DLGAP3: variants seen among roughly 807,000 people sequenced by gnomAD.
DLGAP3 encodes the protein DLG associated protein 3, also known as disks large-associated protein 3.
DLGAP3 carries 17 observed loss-of-function variants against 81.2 expected under a neutral mutation model. That is an observed-to-expected ratio of 0.21 (90% CI 0.14 to 0.31). The LOEUF is 0.31. Among genes scored for constraint, DLGAP3 ranks in the 10% least tolerant of loss-of-function variants. The pLI is 1.00. For synonymous variants in DLGAP3, 577 were observed against 587.4 expected (o/e 0.98, Z 0.26); for missense variants, 1,124 against 1,388.0 (o/e 0.81, Z 3.02).
Position 34,867,750 on chromosome 1 carries a change from C to T in DLGAP3, c.2486-123G>A. ...GGCACTGTGTATCCATCAGTCTCCTCCAGCCCCAGCCCCATCCCATCCTCA... is the reference window on the plus strand; with the variant it reads ...GGCACTGTGTATCCATCAGTCTCCTTCAGCCCCAGCCCCATCCCATCCTCA... On this transcript the variant is annotated intron_variant, in intron 9 of 11. Coordinates refer to ENST00000373347, the MANE Select transcript of DLGAP3 (RefSeq NM_001080418.3). This position sits in a 1 kb window ranked among gnomAD's most constrained non-coding sequence, Gnocchi z 4.3. 2.6e-6 allele frequency: 2 copies of T among 763,736 alleles called. No homozygotes were observed. The highest frequency in any genetic ancestry group is 2.8e-5 in the South Asian group (2 of 70,962). 47.3% of individuals were successfully genotyped at this position (763,736 alleles called of 1,614,324 possible).
At chr1:34,887,966 T>C (rs1557472741) in intron 5 of DLGAP3, among the ~76,000 whole-genome samples, 1 of 152,222 alleles carries the variant, frequency 6.6e-6, no homozygotes, top group Non-Finnish European at 1.5e-5. Flanking sequence ...ACAGGCCAGA[T>C]GCCCATGAGA....
In DLGAP3 at chr1:34,929,369, GGCC is replaced by G. The variant is rs1235151471; in HGVS notation, c.-135+79_-135+81del. ...GAGCCCGGGGCGTGGGCGGCGCCGG[GGCC>G]GCAGCCGGGCCGTGCCTGGGGGGCG... is the stretch of plus-strand genomic sequence containing the variant. On this transcript the variant is annotated intron_variant, in intron 1 of 11. Transcript: ENST00000373347. This position sits in a 1 kb window ranked among gnomAD's most constrained non-coding sequence, Gnocchi z 6.5. 1.3e-4 allele frequency: 20 copies of G among 148,632 alleles called. No homozygotes were observed. In the East Asian group the frequency reaches 3.3e-3, roughly 25 times the overall value. 9.2% of individuals were successfully genotyped at this position (148,632 alleles called of 1,614,324 possible).
intron 1 of DLGAP3, among the ~76,000 whole-genome samples, chr1:34,915,716 C>T (rs954169532): frequency 2.6e-5 from 4 of 152,232 alleles, no homozygotes; most frequent in Non-Finnish European, 4.4e-5. Flanking sequence ...CACCCCTCAG[C>T]TCTGCCTGAA....
chr1:34,897,708 C>A (rs1639399766), intron 5 of DLGAP3, among the ~76,000 whole-genome samples: 1 of 152,126 alleles, frequency 6.6e-6, no homozygotes, highest in Non-Finnish European at 1.5e-5. Context: ...TGAAGTGGAG[C>A]AAGAGCAAAT....
chr1:34,865,613 G>A lies in DLGAP3; in HGVS notation c.*470C>T, dbSNP rs1376822519. ...GGTCCCTGGGCCCAGTGGGCAGAGG[G>A]CTGAGGATGGAGCCCCTGGGAGGGT... On this transcript the variant is annotated 3_prime_UTR_variant, in exon 12 of 12. Transcript: ENST00000373347. The A allele has an allele frequency of 3.1e-5, 8 of 258,620 alleles. No individual in the cohort carries two copies. The highest frequency in any genetic ancestry group is 2.7e-4 in the South Asian group (8 of 29,232). 16.0% of individuals were successfully genotyped at this position (258,620 alleles called of 1,614,324 possible).
chr1:34,893,614 A>C (rs1639345709), intron 5 of DLGAP3, among the ~76,000 whole-genome samples: 1 of 152,240 alleles, frequency 6.6e-6, no homozygotes, highest in Admixed American at 6.5e-5. Flanking sequence ...TAAAACATAT[A>C]TAGGTAATAT....
Position 34,905,339 on chromosome 1 carries a change from G to C in DLGAP3, c.45C>G (p.Ala15=). Residue 15 remains alanine, a synonymous_variant, in exon 3 of 12, where the codon GCC becomes GCG. Transcript: ENST00000373347. ...CCATATGCTGTTGGTCAGCAAAGCG[G>C]GCTGGGCGGGGATGGCTGCCTCGGT... is the stretch of plus-strand genomic sequence containing the variant. ...HGDRGSHPRP[A]RFADQQHMDV... is the part of the protein sequence containing the mutation. 6.4e-7 allele frequency: 1 copy of C among 1,558,436 alleles called. No homozygotes were observed. Among genetic ancestry groups the C allele is most frequent in the Non-Finnish European group, 8.7e-7 (1 of 1,150,948 alleles).
chr1:34,871,369 T>C (rs1210377972), intron 8 of DLGAP3, among the ~76,000 whole-genome samples: 1 of 152,162 alleles, frequency 6.6e-6, no homozygotes, highest in Non-Finnish European at 1.5e-5. Flanking sequence ...CCTTGTCCAT[T>C]CCCTCCTTAA....
At chr1:34,923,675 C>G (rs774168538) in intron 1 of DLGAP3, among the ~76,000 whole-genome samples, 36 of 151,856 alleles carry the variant, frequency 2.4e-4, no homozygotes, top group Non-Finnish European at 5.2e-4. Flanking sequence ...ACCTCCCCTC[C>G]CCAAACAGGC....
In DLGAP3 at chr1:34,868,508, C is replaced by T; in HGVS notation, c.2485+97G>A. 1 of 1,043,446 alleles carries T rather than the reference C, an allele frequency of 9.6e-7. No homozygotes were observed. The highest frequency in any genetic ancestry group is 1.3e-5 in the South Asian group (1 of 77,878). The allele number at this position is 1,043,446 out of a possible 1,614,324, so 64.6% of individuals were successfully genotyped here. ...GTGAGGCACCAACCGAAGGGGCCTC[C>T]TGTTACACTGCAGCCCCAGCCACCC... On this transcript the variant is annotated intron_variant, in intron 9 of 11. Coordinates refer to ENST00000373347, the MANE Select transcript of DLGAP3 (RefSeq NM_001080418.3). This position sits in a 1 kb window ranked among gnomAD's most constrained non-coding sequence, Gnocchi z 7.5.
intron 1 of DLGAP3, among the ~76,000 whole-genome samples, chr1:34,924,090 C>CAAGGG (rs1321353116): frequency 6.6e-6 from 1 of 152,116 alleles, no homozygotes; most frequent in Non-Finnish European, 1.5e-5. Context: ...CCTGGGATGA[C>CAAGGG]AAGGGAAGGG....
At chr1:34,882,273 T>C (rs1639157283) in intron 8 of DLGAP3, among the ~76,000 whole-genome samples, 1 of 152,164 alleles carries the variant, frequency 6.6e-6, no homozygotes, top group Non-Finnish European at 1.5e-5. Flanking sequence ...GGTCAGGAGC[T>C]TGAGACCAGC....
chr1:34,887,011 G>A (rs1462432217), intron 5 of DLGAP3, among the ~76,000 whole-genome samples: 1 of 131,420 alleles, frequency 7.6e-6, no homozygotes, highest in African/African-American at 2.9e-5. Context: ...CTGGAGTGCA[G>A]TGGCGCGATC....
intron 5 of DLGAP3, among the ~76,000 whole-genome samples, chr1:34,897,571 G>A (rs1232568324): frequency 6.6e-6 from 1 of 152,168 alleles, no homozygotes; most frequent in Admixed American, 6.5e-5. Context: ...GAGGTCACCA[G>A]GTCATGCAGG....
At position 34,867,459 on chromosome 1, in the gene DLGAP3, C is replaced by T. The variant is rs1638903625; in HGVS notation, c.2577+77G>A. ...TCTGGTACACACTCACTCTGGGTCA[C>T]CTGCCTGTCTCACCTCCAGCACACA... On this transcript the variant is annotated intron_variant, in intron 10 of 11. Coordinates refer to ENST00000373347, the MANE Select transcript of DLGAP3 (RefSeq NM_001080418.3). The surrounding 1 kb of genome is among the most constrained non-coding windows in gnomAD (Gnocchi z 4.3). 3 of 1,337,402 alleles carry T rather than the reference C, an allele frequency of 2.2e-6. No homozygotes were observed. Among genetic ancestry groups the T allele is most frequent in the Non-Finnish European group, 2.2e-6 (2 of 927,574 alleles). The allele number at this position is 1,337,402 out of a possible 1,614,324, so 82.8% of individuals were successfully genotyped here.
chr1:34,926,005 C>T (rs768594369), intron 1 of DLGAP3, among the ~76,000 whole-genome samples: 7 of 152,222 alleles, frequency 4.6e-5, no homozygotes. Flanking sequence ...TGCTTGGAAG[C>T]ATGTTTGCCT....
At chr1:34,915,926 C>T (rs1639710498) in intron 1 of DLGAP3, among the ~76,000 whole-genome samples, 2 of 152,178 alleles carry the variant, frequency 1.3e-5, no homozygotes, top group Admixed American at 1.3e-4. Context: ...AAATTGCCCT[C>T]CCATCAATCC....
chr1:34,885,711 T>C lies in DLGAP3; in HGVS notation c.1681A>G (p.Ser561Gly), dbSNP rs939870773. 46 of 1,418,998 alleles carry C rather than the reference T, an allele frequency of 3.2e-5. No individual in the cohort carries two copies. The highest frequency in any genetic ancestry group is 4.2e-5 in the Non-Finnish European group (46 of 1,095,552). 87.9% of individuals were successfully genotyped at this position (1,418,998 alleles called of 1,614,324 possible). A position where few individuals can be genotyped will look rare whatever the true frequency, so the allele number is the denominator to read the frequency against. ...PPRISITAQS[S>G]TDSAHESFTA... ...AAGCTCTCGTGCGCGGAGTCGGTGCTGCTCTGGGCGGTGATGGAGATGCGG... is the reference window on the plus strand; with the variant it reads ...AAGCTCTCGTGCGCGGAGTCGGTGCCGCTCTGGGCGGTGATGGAGATGCGG... Residue 561 changes from serine (S) to glycine (G), a missense_variant, in exon 7 of 12, where the codon AGC becomes GGC. Ser to Gly is a moderately conservative substitution (Grantham distance 56, BLOSUM62 0). Coordinates refer to ENST00000373347, the MANE Select transcript of DLGAP3 (RefSeq NM_001080418.3).
chr1:34,880,641 G>A (rs1257052262), intron 8 of DLGAP3, among the ~76,000 whole-genome samples: 1 of 151,920 alleles, frequency 6.6e-6, no homozygotes, highest in Non-Finnish European at 1.5e-5. Context: ...GGAAGTTGCA[G>A]TGAGCCAAGA....
Sources: gnomAD v4.1 joint callset for allele counts (sites outside exome capture counted in the v4.1 genomes callset) on GRCh38, gnomAD v4.1.1 for gene constraint, Gnocchi (gnomAD v3.1) non-coding constraint, MANE v1.5 for transcripts, NCBI Gene and HGNC (gene_info 2026-07-23, HGNC 2026-07-21) for gene names.